The following BATF variants were observed in gnomAD, a reference collection of about 807,000 sequenced individuals.
BATF encodes the protein basic leucine zipper transcriptional factor ATF-like.
Under a neutral mutation model 13.7 loss-of-function variants are expected in BATF, and 5 were observed. That is an observed-to-expected ratio of 0.36 (90% confidence interval 0.19 to 0.77). BATF has a LOEUF of 0.77. BATF is among the 30% of genes least tolerant of loss of function. The pLI, the probability that BATF is intolerant of heterozygous loss-of-function variation, is 0.51. For missense variants in BATF, 124 were observed against 163.0 expected (o/e 0.76, Z 1.30); for synonymous variants, 72 against 67.5 (o/e 1.07, Z -0.33).
At chr14:75,523,356 C>A (rs568900681) in intron 1 of BATF, among the ~76,000 whole-genome samples, 1 of 152,298 alleles carries the variant, frequency 6.6e-6, no homozygotes, top group African/African-American at 2.4e-5. Flanking sequence ...CAGCCAATAT[C>A]TCTTTGCTTG....
intron 2 of BATF, among the ~76,000 whole-genome samples, chr14:75,533,338 G>C: frequency 6.7e-6 from 1 of 150,026 alleles, no homozygotes; most frequent in Admixed American, 6.7e-5. Flanking sequence ...TGAGGCAGGA[G>C]AACGGCATGA....
intron 2 of BATF, among the ~76,000 whole-genome samples, chr14:75,540,931 C>CA (rs903757477): frequency 6.6e-6 from 1 of 152,062 alleles, no homozygotes; most frequent in African/African-American, 2.4e-5. Flanking sequence ...ACTAGAAATA[C>CA]AAAAAGTTAG....
intron 2 of BATF, among the ~76,000 whole-genome samples, chr14:75,545,153 A>G (rs4140794): frequency 0.7 from 106,854 of 151,766 alleles, 39,905 homozygotes; most frequent in East Asian, 0.9. Context: ...GCTTTCTGGT[A>G]GGCCGGACAG....
At chr14:75,535,381 G>A (rs974144582) in intron 2 of BATF, among the ~76,000 whole-genome samples, 1 of 152,144 alleles carries the variant, frequency 6.6e-6, no homozygotes, top group African/African-American at 2.4e-5. Flanking sequence ...ACTGCACTCT[G>A]GACTGGGTAA....
intron 2 of BATF, among the ~76,000 whole-genome samples, chr14:75,540,230 C>T (rs12432467): frequency 0.21 from 31,810 of 152,122 alleles, 3,824 homozygotes; most frequent in East Asian, 0.29. Context: ...CCTTGGTCTT[C>T]GTCCCTAATG....
intron 1 of BATF, among the ~76,000 whole-genome samples, chr14:75,523,664 T>A (rs890668284): frequency 6.6e-6 from 1 of 152,266 alleles, no homozygotes; most frequent in Non-Finnish European, 1.5e-5. Flanking sequence ...ATCCGTGGGT[T>A]AAAATTTTCT....
intron 2 of BATF, among the ~76,000 whole-genome samples, chr14:75,540,710 A>T (rs1887883596): frequency 6.6e-6 from 1 of 152,132 alleles, no homozygotes; most frequent in Non-Finnish European, 1.5e-5. Flanking sequence ...TTTCTACCAC[A>T]CAAGTTTGTT....
chr14:75,546,657 C>T lies in BATF; in HGVS notation c.364C>T (p.Arg122Cys), dbSNP rs1230472445. 6 of 1,601,940 alleles carry T rather than the reference C, an allele frequency of 3.7e-6. No individual in the cohort carries two copies. The highest frequency in any genetic ancestry group is 1.7e-5 in the Admixed American group (1 of 59,156). Residue 122 changes from arginine (R) to cysteine (C), a missense_variant, in exon 3 of 3, where the codon CGC becomes TGC. This residue lies in a region of BATF where 59 missense variants were observed against 49.7 expected (regional missense o/e 1.19). Coordinates refer to ENST00000286639, the MANE Select transcript of BATF (RefSeq NM_006399.5). The part of the protein sequence containing the change: ...AFHQPHVSSP[R>C]FQP ...CCACCAACCTCATGTCAGCTCCCCG[C>T]GCTTCCAGCCCTGAGCTTCCGATGC...
chr14:75,524,981 G>A (rs774731164), intron 1 of BATF, 103 bp from the exon 2 acceptor site: 13 of 961,150 alleles, frequency 1.4e-5, no homozygotes, highest in Non-Finnish European at 1.7e-5. Context: ...CAGAGACGAA[G>A]GCATGGAAGG....
chr14:75,525,178 C>T lies in BATF; in HGVS notation c.158C>T (p.Thr53Ile). 6.2e-7 allele frequency: 1 copy of T among 1,613,796 alleles called. No individual in the cohort carries two copies. Among genetic ancestry groups the T allele is most frequent in the Non-Finnish European group, 8.5e-7 (1 of 1,179,862 alleles). ...CAGAGGCAGACACAGAAGGCCGACA[C>T]CCTGCACCTGGTAAGTGTTCAGATC... The part of the protein sequence containing the change: ...SRQRQTQKAD[T>I]LHLESEDLEK... Residue 53 changes from threonine (T) to isoleucine (I), a missense_variant, in exon 2 of 3, where the codon ACC (threonine) becomes ATC (isoleucine). By Grantham distance (89) the Thr-to-Ile change is moderately conservative. This residue lies in a region of BATF where 65 missense variants were observed against 113.3 expected (regional missense o/e 0.57). Coordinates refer to ENST00000286639, the MANE Select transcript of BATF (RefSeq NM_006399.5).
intron 2 of BATF, among the ~76,000 whole-genome samples, chr14:75,525,439 G>A (rs1035695983): frequency 1.3e-5 from 2 of 151,858 alleles, no homozygotes; most frequent in African/African-American, 4.8e-5. Context: ...AAGGCGGGTG[G>A]GTCACCTGAG....
At chr14:75,541,011 C>T (rs1450093534) in intron 2 of BATF, among the ~76,000 whole-genome samples, 1 of 152,188 alleles carries the variant, frequency 6.6e-6, no homozygotes, top group East Asian at 1.9e-4. Flanking sequence ...TTGCTTGAAC[C>T]AGGGAGGCAG....
chr14:75,533,341 C>G (rs373652267), intron 2 of BATF, among the ~76,000 whole-genome samples: 1 of 150,094 alleles, frequency 6.7e-6, no homozygotes, highest in African/African-American at 2.5e-5. Context: ...GGCAGGAGAA[C>G]GGCATGAACC....
intron 2 of BATF, among the ~76,000 whole-genome samples, chr14:75,539,424 ATTT>A (rs1162218076): frequency 2.6e-4 from 15 of 58,544 alleles, no homozygotes; most frequent in African/African-American, 1.0e-3. Context: ...GTAAGCTGGA[ATTT>A]TTTTTTTTTT....
At chr14:75,533,218 G>A (rs527578342) in intron 2 of BATF, among the ~76,000 whole-genome samples, 54 of 152,142 alleles carry the variant, frequency 3.5e-4, no homozygotes, top group African/African-American at 1.2e-3. Context: ...CATGAGGTCA[G>A]GAGACTGAGA....
At chr14:75,525,587 AG>A (rs1946382978) in intron 2 of BATF, among the ~76,000 whole-genome samples, 1 of 150,268 alleles carries the variant, frequency 6.7e-6, no homozygotes, top group African/African-American at 2.5e-5. Flanking sequence ...TCACTTGAAC[AG>A]GCAGAGGTTG....
intron 2 of BATF, among the ~76,000 whole-genome samples, chr14:75,533,902 G>T (rs1887778652): frequency 2.0e-5 from 3 of 152,170 alleles, no homozygotes; most frequent in Non-Finnish European, 4.4e-5. Flanking sequence ...CCACCAGTCT[G>T]CTTTTGTTTC....
At chr14:75,537,601 A>T (rs2080254) in intron 2 of BATF, among the ~76,000 whole-genome samples, 1 of 152,116 alleles carries the variant, frequency 6.6e-6, no homozygotes, top group Non-Finnish European at 1.5e-5. Context: ...GTTATAATTA[A>T]TGAAACACGA....
rs765283183 is a variant in BATF, at chr14:75,546,592, C to G, written c.299C>G (p.Thr100Arg). Residue 100 changes from threonine to arginine, a missense_variant, in exon 3 of 3, where the codon ACG becomes AGG. Physicochemically the swap from Thr to Arg is moderately conservative, Grantham distance 71 (BLOSUM62 -1). Coordinates refer to ENST00000286639, the MANE Select transcript of BATF (RefSeq NM_006399.5). ...EPLCSVLAASTPSPPEVVYSA... is the reference protein window; with the variant it reads ...EPLCSVLAASRPSPPEVVYSA... ...CTGTGCTCGGTGCTGGCCGCCAGCACGCCCTCGCCCCCCGAGGTGGTGTAC... is the reference window on the plus strand; with the variant it reads ...CTGTGCTCGGTGCTGGCCGCCAGCAGGCCCTCGCCCCCCGAGGTGGTGTAC... 6.2e-7 allele frequency: 1 copy of G among 1,613,872 alleles called. No homozygotes were observed. Among genetic ancestry groups the G allele is most frequent in the Non-Finnish European group, 8.5e-7 (1 of 1,179,974 alleles).
Sources: gnomAD v4.1 joint callset for allele counts (sites outside exome capture counted in the v4.1 genomes callset) on GRCh38, gnomAD v4.1.1 for gene constraint, gnomAD v4.1.1 regional missense constraint, MANE v1.5 for transcripts, NCBI Gene and HGNC (gene_info 2026-07-23, HGNC 2026-07-21) for gene names.